The following CFAP299 variants were observed in gnomAD, a reference collection of about 807,000 sequenced individuals.
The protein encoded by CFAP299 is cilia- and flagella-associated protein 299.
A neutral mutation model predicts 27.0 loss-of-function variants in CFAP299; 21 were observed. That is an observed-to-expected ratio of 0.78 (90% confidence interval 0.55 to 1.12). The LOEUF (loss-of-function observed/expected upper bound fraction) is 1.12, where lower values mean the gene tolerates loss of function less well. Among genes scored for constraint, CFAP299 ranks in the 50% most tolerant of loss-of-function variants. The pLI is 0.00. For missense variants in CFAP299, 310 were observed against 276.6 expected (o/e 1.12, Z -0.86); for synonymous variants, 104 against 98.1 (o/e 1.06, Z -0.36).
At chr4:80,377,631 G>A (rs1199103187) in intron 2 of CFAP299, among the ~76,000 whole-genome samples, 2 of 151,644 alleles carry the variant, frequency 1.3e-5, no homozygotes, top group Non-Finnish European at 2.9e-5. Context: ...AAATCATCTT[G>A]TTGATTCCTA....
intron 3 of CFAP299, among the ~76,000 whole-genome samples, chr4:80,616,409 A>G (rs116621213): frequency 2.6e-5 from 4 of 151,942 alleles, no homozygotes; most frequent in African/African-American, 9.7e-5. Flanking sequence ...TTTTATACAT[A>G]TAAGTATATA....
At chr4:80,930,024 T>C (rs758445235) in intron 4 of CFAP299, among the ~76,000 whole-genome samples, 2 of 152,192 alleles carry the variant, frequency 1.3e-5, no homozygotes, top group African/African-American at 4.8e-5. Flanking sequence ...CACTGCAGGA[T>C]GGTTGCATCA....
chr4:80,905,041 T>C (rs1406475347), intron 4 of CFAP299, among the ~76,000 whole-genome samples: 1 of 152,204 alleles, frequency 6.6e-6, no homozygotes. Context: ...ATGGATGAAA[T>C]TTTATGTGAG....
rs1407100739 is a variant in CFAP299, at chr4:80,533,561, G to A, written c.243-49532G>A. Among the ~76,000 whole-genome samples the A allele has an allele frequency of 5.9e-5, 9 of 152,196 alleles. No individual in the cohort carries two copies. The East Asian group carries it at 1.2e-3, about 20-fold the overall frequency. On this transcript the variant is annotated intron_variant, in intron 2 of 5. Coordinates refer to ENST00000358105, the MANE Select transcript of CFAP299 (RefSeq NM_152770.3). Reference sequence around the variant, plus strand: ...GCAAAACAAAGCTATTTGGTTTCCTGCCTCAGGGAAAGTTTAAAAAAGGAT... The same window carrying A: ...GCAAAACAAAGCTATTTGGTTTCCTACCTCAGGGAAAGTTTAAAAAAGGAT...
intron 4 of CFAP299, among the ~76,000 whole-genome samples, chr4:80,875,706 C>T (rs919508300): frequency 1.3e-5 from 2 of 151,740 alleles, no homozygotes; most frequent in African/African-American, 4.8e-5. Flanking sequence ...AACTGTCATC[C>T]AGAATTAAAC....
chr4:80,495,031 A>G (rs1731363403), intron 2 of CFAP299, among the ~76,000 whole-genome samples: 1 of 152,224 alleles, frequency 6.6e-6, no homozygotes, highest in Non-Finnish European at 1.5e-5. Flanking sequence ...AACATAGCCT[A>G]AGAAAGATAT....
intron 4 of CFAP299, among the ~76,000 whole-genome samples, chr4:80,899,719 T>C (rs541291213): frequency 1.3e-5 from 2 of 152,086 alleles, no homozygotes; most frequent in African/African-American, 4.8e-5. Flanking sequence ...TGGTAAAAAA[T>C]GCAAACTCTG....
intron 3 of CFAP299, among the ~76,000 whole-genome samples, chr4:80,739,411 A>G (rs1560727169): frequency 6.6e-6 from 1 of 151,854 alleles, no homozygotes; most frequent in African/African-American, 2.4e-5. Flanking sequence ...TTTGATGGAT[A>G]TTTTCACTGG....
At chr4:80,688,573 T>TA (rs1560699271) in intron 3 of CFAP299, among the ~76,000 whole-genome samples, 1 of 151,980 alleles carries the variant, frequency 6.6e-6, no homozygotes, top group East Asian at 1.9e-4. Flanking sequence ...CAAAAGTAGA[T>TA]AAAACCACAA....
intron 3 of CFAP299, among the ~76,000 whole-genome samples, chr4:80,599,479 A>T (rs1294952338): frequency 6.6e-6 from 1 of 152,166 alleles, no homozygotes; most frequent in Non-Finnish European, 1.5e-5. Context: ...ATGACAGATA[A>T]GAATCCTCAG....
At chr4:80,778,974 G>T (rs1726717322) in intron 3 of CFAP299, among the ~76,000 whole-genome samples, 1 of 151,922 alleles carries the variant, frequency 6.6e-6, no homozygotes, top group African/African-American at 2.4e-5. Context: ...TTAAACTATT[G>T]TAAAATAATA....
intron 5 of CFAP299, among the ~76,000 whole-genome samples, chr4:80,958,671 A>G (rs901505880): frequency 7.9e-5 from 12 of 152,342 alleles, no homozygotes; most frequent in African/African-American, 2.6e-4. Context: ...TCATTACTGC[A>G]TTCAGTCTTA....
At chr4:80,362,216 TTAAG>T (rs1303017122) in intron 1 of CFAP299, among the ~76,000 whole-genome samples, 16 of 151,974 alleles carry the variant, frequency 1.1e-4, no homozygotes, top group Non-Finnish European at 2.1e-4. Flanking sequence ...ATCTTCATAG[TTAAG>T]TAAGAAATTC....
At chr4:80,576,912 G>A (rs115576869) in intron 2 of CFAP299, among the ~76,000 whole-genome samples, 1,807 of 152,254 alleles carry the variant, frequency 0.012, 19 homozygotes, top group African/African-American at 0.025. Context: ...TGGAACTTCA[G>A]TCTAGACTGG....
chr4:80,637,320 A>T (rs1739500896), intron 3 of CFAP299, among the ~76,000 whole-genome samples: 1 of 152,210 alleles, frequency 6.6e-6, no homozygotes, highest in Non-Finnish European at 1.5e-5. Flanking sequence ...TGTACAGTAA[A>T]AGGAGAAGTG....
chr4:80,434,571 T>C (rs1312977703), intron 2 of CFAP299, among the ~76,000 whole-genome samples: 2 of 152,210 alleles, frequency 1.3e-5, no homozygotes, highest in Non-Finnish European at 2.9e-5. Flanking sequence ...AGTTATGTGA[T>C]ATATAAAAAG....
chr4:80,840,279 G>T (rs1440440239), intron 3 of CFAP299, among the ~76,000 whole-genome samples: 2 of 152,038 alleles, frequency 1.3e-5, no homozygotes, highest in Non-Finnish European at 2.9e-5. Flanking sequence ...ACTTCTAAGG[G>T]TACATCTATC....
intron 1 of CFAP299, among the ~76,000 whole-genome samples, chr4:80,354,424 A>T (rs1723160273): frequency 6.6e-6 from 1 of 152,198 alleles, no homozygotes; most frequent in African/African-American, 2.4e-5. Flanking sequence ...TTTTTTGGTA[A>T]AATGTTTAAA....
intron 2 of CFAP299, among the ~76,000 whole-genome samples, chr4:80,531,718 G>A (rs1404551836): frequency 6.8e-6 from 1 of 147,584 alleles, no homozygotes; most frequent in Non-Finnish European, 1.5e-5. Context: ...GTGTGGCTGT[G>A]TGACCCATTT....
Sources: allele counts gnomAD v4.1 joint callset (sites outside exome capture counted in the v4.1 genomes callset), GRCh38; gene constraint gnomAD v4.1.1; transcripts MANE v1.5; gene names NCBI Gene and HGNC (gene_info 2026-07-23, HGNC 2026-07-21).